The following RNF220 variants were observed in gnomAD, a reference collection of about 807,000 sequenced individuals.
The protein encoded by RNF220 is ring finger protein 220.
In RNF220, 7 loss-of-function variants were observed where a neutral mutation model predicts 67.1. That is an observed-to-expected ratio of 0.10 (90% CI 0.06 to 0.20). RNF220 has a LOEUF of 0.20. Ranked by LOEUF, RNF220 falls within the 10% of genes least tolerant of loss-of-function variation. The probability of loss-of-function intolerance (pLI) is 1.00; values close to 1 mark genes in which losing one functional copy is unlikely to be tolerated. For synonymous variants in RNF220, 270 were observed against 283.2 expected (o/e 0.95, Z 0.47); for missense variants, 565 against 740.3 (o/e 0.76, Z 2.75).
At chr1:44,564,201 TC>T (rs1009956882) in intron 2 of RNF220, among the ~76,000 whole-genome samples, 2 of 151,944 alleles carry the variant, frequency 1.3e-5, no homozygotes, top group African/African-American at 4.8e-5. Flanking sequence ...TTTCTCAAAT[TC>T]CCCCCTCCCT....
At chr1:44,424,847 G>C (rs1478666863) in intron 2 of RNF220, among the ~76,000 whole-genome samples, 1 of 152,246 alleles carries the variant, frequency 6.6e-6, no homozygotes, top group Non-Finnish European at 1.5e-5. Flanking sequence ...AGATGTGAGG[G>C]AGGCCGGTGT....
At chr1:44,446,049 G>T (rs1221778838) in intron 2 of RNF220, among the ~76,000 whole-genome samples, 2 of 152,086 alleles carry the variant, frequency 1.3e-5, no homozygotes, top group African/African-American at 4.8e-5. Context: ...GGTGGCATGT[G>T]GTAACATTTG....
At chr1:44,407,601 G>T (rs1263978204) in intron 1 of RNF220, among the ~76,000 whole-genome samples, 1 of 152,058 alleles carries the variant, frequency 6.6e-6, no homozygotes, top group Non-Finnish European at 1.5e-5. Flanking sequence ...GGCCGACAGG[G>T]CCGGGGCCGG....
chr1:44,635,652 C>T (rs1469498805), intron 7 of RNF220, 64 bp downstream of exon 7: 46 of 1,613,508 alleles, frequency 2.9e-5, no homozygotes, highest in Non-Finnish European at 3.8e-5. Flanking sequence ...GCATGTGGAG[C>T]ATTGCCTTTC....
At chr1:44,557,173 ATATT>A (rs1461658123) in intron 2 of RNF220, among the ~76,000 whole-genome samples, 5 of 144,560 alleles carry the variant, frequency 3.5e-5, no homozygotes, top group Non-Finnish European at 7.5e-5. Flanking sequence ...ACATATGTAT[ATATT>A]AATATATAAT....
intron 2 of RNF220, among the ~76,000 whole-genome samples, chr1:44,571,237 C>A (rs1664421765): frequency 6.6e-6 from 1 of 152,172 alleles, no homozygotes; most frequent in Non-Finnish European, 1.5e-5. Flanking sequence ...CCACATTATC[C>A]CCATCGTTCC....
At chr1:44,482,057 C>T (rs894393172) in intron 2 of RNF220, among the ~76,000 whole-genome samples, 8 of 152,214 alleles carry the variant, frequency 5.3e-5, no homozygotes, top group African/African-American at 1.9e-4. Flanking sequence ...GTTCTGCATG[C>T]AGTACTTGGG....
At chr1:44,533,843 G>T (rs1357871682) in intron 2 of RNF220, among the ~76,000 whole-genome samples, 1 of 152,204 alleles carries the variant, frequency 6.6e-6, no homozygotes, top group African/African-American at 2.4e-5. Context: ...AAGCAGAGAG[G>T]TAAAAGAAAG....
chr1:44,640,680 A>G (rs2148496206), intron 8 of RNF220, among the ~76,000 whole-genome samples: 1 of 152,330 alleles, frequency 6.6e-6, no homozygotes, highest in Admixed American at 6.5e-5. Context: ...TGCATTGTCA[A>G]CTGTTCAGCG....
In RNF220 at chr1:44,591,048, G is replaced by A. The variant is rs549778609; in HGVS notation, c.626-23117G>A. Among the ~76,000 whole-genome samples the A allele has an allele frequency of 1.1e-4, 17 of 152,210 alleles. No homozygotes were observed. The East Asian group carries it at 2.9e-3, about 26-fold the overall frequency. On this transcript the variant is annotated intron_variant, in intron 2 of 14. Transcript: ENST00000361799. ...ATGATCTCAGCTCACTGCAACCTCCGCCTCCTAGGTTCAAGCGATTCTCCT... is the reference window on the plus strand; with the variant it reads ...ATGATCTCAGCTCACTGCAACCTCCACCTCCTAGGTTCAAGCGATTCTCCT...
At chr1:44,542,891 G>T (rs1420126249) in intron 2 of RNF220, among the ~76,000 whole-genome samples, 1 of 152,118 alleles carries the variant, frequency 6.6e-6, no homozygotes, top group Admixed American at 6.5e-5. Context: ...TGGGGCTGGG[G>T]GCCGGAGGGT....
intron 2 of RNF220, among the ~76,000 whole-genome samples, chr1:44,462,606 T>TA (rs1458578613): frequency 6.6e-6 from 1 of 152,220 alleles, no homozygotes; most frequent in Non-Finnish European, 1.5e-5. Context: ...TTCTCTAAGC[T>TA]ATCAGTTATA....
At chr1:44,482,728 T>G (rs967619494) in intron 2 of RNF220, among the ~76,000 whole-genome samples, 6 of 152,136 alleles carry the variant, frequency 3.9e-5, no homozygotes, top group Non-Finnish European at 8.8e-5. Flanking sequence ...TTCCAGTGAT[T>G]CTCGTGCCTC....
chr1:44,526,531 T>C (rs1320573963), intron 2 of RNF220, among the ~76,000 whole-genome samples: 1 of 152,142 alleles, frequency 6.6e-6, no homozygotes, highest in African/African-American at 2.4e-5. Flanking sequence ...TTGTCCTAAC[T>C]CAGTACTATC....
chr1:44,509,816 G>A (rs899767263), intron 2 of RNF220, among the ~76,000 whole-genome samples: 2 of 147,420 alleles, frequency 1.4e-5, no homozygotes, highest in African/African-American at 5.0e-5. Context: ...GAACCCAGGA[G>A]GCAGAGGCTG....
At chr1:44,537,998 T>G (rs1661367421) in intron 2 of RNF220, among the ~76,000 whole-genome samples, 1 of 152,248 alleles carries the variant, frequency 6.6e-6, no homozygotes, top group Admixed American at 6.5e-5. Context: ...TGCAGAATAG[T>G]TACTTTCGTC....
intron 2 of RNF220, among the ~76,000 whole-genome samples, chr1:44,434,453 A>G (rs550860268): frequency 1.3e-5 from 2 of 152,246 alleles, no homozygotes; most frequent in East Asian, 3.9e-4. Context: ...TCACCCCTGT[A>G]ATCCCAGCAC....
intron 2 of RNF220, among the ~76,000 whole-genome samples, chr1:44,517,200 A>G (rs796493072): frequency 2.8e-4 from 43 of 152,110 alleles, no homozygotes; most frequent in African/African-American, 9.9e-4. Flanking sequence ...GCCACTTCCC[A>G]TTCTAGCCTC....
At chr1:44,618,494 C>T (rs886377531) in intron 3 of RNF220, among the ~76,000 whole-genome samples, 1 of 152,236 alleles carries the variant, frequency 6.6e-6, no homozygotes, top group Non-Finnish European at 1.5e-5. Context: ...CTCTCTCCCT[C>T]ACCCCATCCT....
Sources: gnomAD v4.1 joint callset for allele counts (sites outside exome capture counted in the v4.1 genomes callset) on GRCh38, gnomAD v4.1.1 for gene constraint, MANE v1.5 for transcripts, NCBI Gene and HGNC (gene_info 2026-07-23, HGNC 2026-07-21) for gene names.